Variants in IQCB1 observed in about 807,000 individuals in gnomAD.
The protein encoded by IQCB1 is IQ motif containing B1.
A neutral mutation model predicts 84.4 loss-of-function variants in IQCB1; 56 were observed. The ratio of observed to expected loss-of-function variants is 0.66; its 90% CI spans 0.54 to 0.83. IQCB1 has a LOEUF of 0.83. Ranked by LOEUF, IQCB1 falls within the 40% of genes least tolerant of loss-of-function variation. The pLI, the probability that IQCB1 is intolerant of heterozygous loss-of-function variation, is 0.00. For synonymous variants in IQCB1, 210 were observed against 234.8 expected, an observed-to-expected ratio of 0.89 and a Z score of 0.96; for missense variants, 629 against 682.1, an observed-to-expected ratio of 0.92 and a Z score of 0.87.
chr3:121,824,248 A>C (rs1032754007), intron 5 of IQCB1, among the ~76,000 whole-genome samples: 1 of 152,102 alleles, frequency 6.6e-6, no homozygotes, highest in Admixed American at 6.6e-5. Flanking sequence ...TTTTAATCTG[A>C]AAACTGAGAC....
Position 121,787,576 on chromosome 3 carries a change from C to A in IQCB1, c.1278+708G>T, listed in dbSNP as rs1369670214. ...GACCATCCTGGCCAATATGGTGAAA[C>A]CCCGTCTCTATTAAAAATACAAACA... On this transcript the variant is annotated intron_variant, in intron 12 of 14. Transcript: ENST00000310864. Among the ~76,000 whole-genome samples, 14 of 151,990 alleles carry A rather than the reference C, an allele frequency of 9.2e-5. 1 individual carries two copies. The highest frequency in any genetic ancestry group is 8.5e-4 in the Admixed American group (13 of 15,256).
At chr3:121,780,177 CTT>C (rs1245689583) in intron 13 of IQCB1, among the ~76,000 whole-genome samples, 1 of 152,198 alleles carries the variant, frequency 6.6e-6, no homozygotes, top group African/African-American at 2.4e-5. Flanking sequence ...GTGCCATCTC[CTT>C]AACTCAAGGA....
chr3:121,807,432 C>A lies in IQCB1; in HGVS notation c.499G>T (p.Asp167Tyr). Residue 167 changes from aspartate to tyrosine, a missense_variant, in exon 7 of 15, where the codon GAT (aspartate) becomes TAT (tyrosine). Transcript: ENST00000310864. ...GCTTGCAGTAAATGTAAGAAATGATCACTTTGTAGTACTAAAGGAAAAGAA... is the reference window on the plus strand; with the variant it reads ...GCTTGCAGTAAATGTAAGAAATGATAACTTTGTAGTACTAAAGGAAAAGAA... ...VELIQNVLQS[D>Y]HFLHLLQADN... 1 of 1,481,160 alleles carries A rather than the reference C, an allele frequency of 6.8e-7. No individual in the cohort carries two copies. The highest frequency in any genetic ancestry group is 1.1e-5 in the South Asian group (1 of 88,176). The allele number at this position is 1,481,160 out of a possible 1,614,324, so 91.8% of individuals were successfully genotyped here.
chr3:121,770,518 A>T lies in IQCB1; in HGVS notation c.1624T>A (p.Ser542Thr). The part of the protein sequence containing the change: ...GKEPELFLSR[S>T]RPVAAKAKQA... ...TTGGCCTTGGCTGCCACAGGCCTGG[A>T]TCTACTTAGGAAGAGCTCAGGTTCT... The change falls in exon 15 of 15, where the codon TCC (serine) becomes ACC (threonine). Residue 542 changes from serine to threonine, a missense_variant. Transcript: ENST00000310864. 1.2e-6 allele frequency: 2 copies of T among 1,614,160 alleles called. No homozygotes were observed. The highest frequency in any genetic ancestry group is 8.5e-7 in the Non-Finnish European group (1 of 1,180,026).
rs140968343 is a variant in IQCB1 at position 121,827,513 on chromosome 3, G to A, written c.263+957C>T. Among the ~76,000 whole-genome samples, 29 of 152,044 alleles carry A rather than the reference G, an allele frequency of 1.9e-4. No individual in the cohort carries two copies. The South Asian group carries it at 5.2e-3, about 27-fold the overall frequency. On this transcript the variant is annotated intron_variant, in intron 4 of 14. Coordinates refer to ENST00000310864, the MANE Select transcript of IQCB1 (RefSeq NM_001023570.4). ...ATTTCTTAAGTCTTGAATTCCACCC[G>A]AGAGCCTGGCTTAATCAATATCATC...
At chr3:121,777,446 A>G (rs1046982082) in intron 13 of IQCB1, among the ~76,000 whole-genome samples, 1 of 152,216 alleles carries the variant, frequency 6.6e-6, no homozygotes, top group Non-Finnish European at 1.5e-5. Context: ...AAGTTTTTGT[A>G]TATGTAAACA....
Position 121,790,188 on chromosome 3 carries a change from C to G in IQCB1, c.1014G>C (p.Glu338Asp). ...CCTCTTCTTCCTTCTGCCTATTTATCTCCAGCAACATCTTTGATCGTTTGG... is the reference window on the plus strand; with the variant it reads ...CCTCTTCTTCCTTCTGCCTATTTATGTCCAGCAACATCTTTGATCGTTTGG... ...FRSKRSKMLL[E>D]INRQKEEEDL... is the part of the protein sequence containing the mutation. Residue 338 changes from glutamate (E) to aspartate (D), a missense_variant, in exon 11 of 15, where the codon GAG (glutamate) becomes GAC (aspartate). Transcript: ENST00000310864. The G allele has an allele frequency of 6.2e-7, 1 of 1,613,734 alleles. No individual in the cohort carries two copies. The highest frequency in any genetic ancestry group is 1.1e-5 in the South Asian group (1 of 91,074).
intron 4 of IQCB1, among the ~76,000 whole-genome samples, chr3:121,827,522 G>T (rs1950502411): frequency 6.6e-6 from 1 of 151,856 alleles, no homozygotes; most frequent in African/African-American, 2.4e-5. Context: ...CGAGAGCCTG[G>T]CTTAATCAAT....
intron 5 of IQCB1, among the ~76,000 whole-genome samples, chr3:121,825,788 T>C (rs1471989324): frequency 6.6e-6 from 1 of 152,200 alleles, no homozygotes; most frequent in African/African-American, 2.4e-5. Flanking sequence ...TTTAGAAAGA[T>C]GTTATGGAAA....
intron 5 of IQCB1, among the ~76,000 whole-genome samples, chr3:121,825,810 G>C (rs1421759926): frequency 6.6e-6 from 1 of 152,140 alleles, no homozygotes; most frequent in African/African-American, 2.4e-5. Context: ...AATTGTCTAT[G>C]GGTGCTGCCC....
intron 13 of IQCB1, among the ~76,000 whole-genome samples, chr3:121,776,930 T>TC (rs1362069862): frequency 6.6e-6 from 1 of 152,240 alleles, no homozygotes; most frequent in African/African-American, 2.4e-5. Context: ...AATGATATTC[T>TC]CCCAATCTGT....
intron 5 of IQCB1, among the ~76,000 whole-genome samples, chr3:121,823,535 A>G (rs1033666080): frequency 6.6e-6 from 1 of 152,220 alleles, no homozygotes; most frequent in Non-Finnish European, 1.5e-5. Flanking sequence ...AAAAGATGCC[A>G]GAAGACAATG....
At chr3:121,788,997 G>A (rs1402549835) in intron 11 of IQCB1, among the ~76,000 whole-genome samples, 2 of 152,142 alleles carry the variant, frequency 1.3e-5, no homozygotes, top group Non-Finnish European at 2.9e-5. Context: ...AACTGGATAC[G>A]GAGGTAAAAG....
intron 10 of IQCB1, among the ~76,000 whole-genome samples, chr3:121,791,231 T>A (rs573222672): frequency 1.6e-4 from 24 of 152,324 alleles, no homozygotes; most frequent in African/African-American, 5.5e-4. Flanking sequence ...ATTCTTAGAA[T>A]TAAACTGTAA....
intron 12 of IQCB1, among the ~76,000 whole-genome samples, chr3:121,782,841 A>G (rs896766635): frequency 1.3e-4 from 20 of 152,070 alleles, no homozygotes; most frequent in Admixed American, 3.3e-4. Context: ...CACCACGCCC[A>G]GCTAATTTTT....
intron 10 of IQCB1, among the ~76,000 whole-genome samples, chr3:121,792,554 C>T (rs559592679): frequency 5.9e-4 from 80 of 135,626 alleles, no homozygotes; most frequent in African/African-American, 2.2e-3. Flanking sequence ...CCCAGCTACT[C>T]GGGAGGCTGA....
At chr3:121,775,521 G>C (rs1457343712) in intron 13 of IQCB1, among the ~76,000 whole-genome samples, 1 of 152,156 alleles carries the variant, frequency 6.6e-6, no homozygotes, top group Non-Finnish European at 1.5e-5. Context: ...AAAACCTAAT[G>C]TAGATGACAG....
chr3:121,789,209 T>C (rs1483524008), intron 11 of IQCB1, among the ~76,000 whole-genome samples: 2 of 152,180 alleles, frequency 1.3e-5, no homozygotes, highest in Non-Finnish European at 2.9e-5. Context: ...GTAGAAACTA[T>C]CCACAAGTGG....
rs185172817 is a variant in IQCB1, at chr3:121,788,152, A to G, written c.1278+132T>C. 103 of 908,026 alleles carry G rather than the reference A, an allele frequency of 1.1e-4. No homozygotes were observed. The East Asian group carries it at 2.4e-3, about 22-fold the overall frequency. 56.2% of individuals were successfully genotyped at this position (908,026 alleles called of 1,614,324 possible). Reference sequence around the variant, plus strand: ...CAGAGGTAAGGGGTTTTTCTTTTACAAAAGAAAAAACTAAGGCTCAAGAAA... The same window carrying G: ...CAGAGGTAAGGGGTTTTTCTTTTACGAAAGAAAAAACTAAGGCTCAAGAAA... On this transcript the variant is annotated intron_variant, in intron 12 of 14. Transcript: ENST00000310864.
Sources: gnomAD v4.1 joint callset for allele counts (sites outside exome capture counted in the v4.1 genomes callset) on GRCh38, gnomAD v4.1.1 for gene constraint, MANE v1.5 for transcripts, NCBI Gene and HGNC (gene_info 2026-07-23, HGNC 2026-07-21) for gene names.